SCN3A: variants seen among roughly 807,000 people sequenced by gnomAD.
SCN3A encodes the protein sodium voltage-gated channel alpha subunit 3, also known as sodium channel protein type 3 subunit alpha.
Under a neutral mutation model 187.6 loss-of-function variants are expected in SCN3A, and 60 were observed. The ratio of observed to expected loss-of-function variants is 0.32; its 90% CI spans 0.26 to 0.40. The LOEUF (loss-of-function observed/expected upper bound fraction) is 0.40, where lower values mean the gene tolerates loss of function less well. Ranked by LOEUF, SCN3A falls within the 10% of genes least tolerant of loss-of-function variation. SCN3A has a pLI of 1.00. For missense variants in SCN3A, 1,601 were observed against 2,428.2 expected, an observed-to-expected ratio of 0.66 and a Z score of 7.16; for synonymous variants, 788 against 829.2, an observed-to-expected ratio of 0.95 and a Z score of 0.85.
chr2:165,185,917 A>G (rs1309787224), intron 2 of SCN3A, among the ~76,000 whole-genome samples: 1 of 152,146 alleles, frequency 6.6e-6, no homozygotes, highest in Non-Finnish European at 1.5e-5. Context: ...TAAAGTAAAT[A>G]CAGTCCAGGG....
intron 3 of SCN3A, among the ~76,000 whole-genome samples, chr2:165,171,126 T>A (rs1690077568): frequency 1.3e-5 from 2 of 152,004 alleles, no homozygotes; most frequent in African/African-American, 4.8e-5. Flanking sequence ...TCAAAGGGCA[T>A]TCCACAATTA....
chr2:165,095,832 T>C (rs115838424), intron 24 of SCN3A, among the ~76,000 whole-genome samples, 184 bp from the exon 25 acceptor site: 8 of 152,280 alleles, frequency 5.3e-5, no homozygotes, highest in Non-Finnish European at 1.0e-4. Context: ...GCAAGTTTTA[T>C]GATTGTTCTT....
chr2:165,184,660 A>G (rs1024434074), intron 2 of SCN3A, among the ~76,000 whole-genome samples: 1 of 152,204 alleles, frequency 6.6e-6, no homozygotes, highest in African/African-American at 2.4e-5. Context: ...ATGTAGCAAT[A>G]TAGTCCTTAT....
intron 1 of SCN3A, among the ~76,000 whole-genome samples, chr2:165,201,014 A>G (rs1375268215): frequency 6.6e-6 from 1 of 152,102 alleles, no homozygotes; most frequent in Non-Finnish European, 1.5e-5. Context: ...TGGTCTTAGT[A>G]GAAATTACTT....
chr2:165,095,291 G>T (rs1685315355), intron 25 of SCN3A, among the ~76,000 whole-genome samples: 1 of 152,188 alleles, frequency 6.6e-6, no homozygotes, highest in Non-Finnish European at 1.5e-5. Context: ...GTCCGAAGGA[G>T]TGGACACATT....
chr2:165,116,943 A>ATTTTTTTTT (rs11395597), intron 18 of SCN3A, among the ~76,000 whole-genome samples: 1 of 118,186 alleles, frequency 8.5e-6, no homozygotes, highest in Non-Finnish European at 1.7e-5. Context: ...TGATAGCACA[A>ATTTTTTTTT]TTTTTTTTTT....
At chr2:165,138,369 A>G (rs1391838690) in intron 14 of SCN3A, among the ~76,000 whole-genome samples, 2 of 152,194 alleles carry the variant, frequency 1.3e-5, no homozygotes, top group African/African-American at 2.4e-5. Flanking sequence ...TGCTTTTAAA[A>G]TGACTAGGTT....
rs565738798 is a variant in SCN3A, at chr2:165,124,096, A to C, written c.3393+3535T>G. On this transcript the variant is annotated intron_variant, in intron 18 of 27. Coordinates refer to ENST00000283254, the MANE Select transcript of SCN3A (RefSeq NM_006922.4). The stretch of plus-strand genomic sequence containing the variant: ...TATATATTTTAAATAATTTCTTTAC[A>C]TTTTGTAATTGAAATCTATGTATTC... Among the ~76,000 whole-genome samples the C allele has an allele frequency of 7.9e-5, 12 of 152,128 alleles. No individual in the cohort carries two copies. In the South Asian group the frequency reaches 2.5e-3, roughly 32 times the overall value.
At chr2:165,095,907 CA>C (rs1168274876) in intron 24 of SCN3A, among the ~76,000 whole-genome samples, 2 of 151,958 alleles carry the variant, frequency 1.3e-5, no homozygotes, top group African/African-American at 4.8e-5. Flanking sequence ...GTGATATAAG[CA>C]GGGAAAACAT....
intron 11 of SCN3A, among the ~76,000 whole-genome samples, chr2:165,152,153 T>C (rs1688722532): frequency 6.6e-6 from 1 of 152,158 alleles, no homozygotes; most frequent in South Asian, 2.1e-4. Context: ...CAATTGAAGA[T>C]TGTCAGGAAC....
intron 24 of SCN3A, among the ~76,000 whole-genome samples, chr2:165,096,125 T>G (rs1285072496): frequency 1.3e-5 from 2 of 152,176 alleles, no homozygotes; most frequent in Non-Finnish European, 2.9e-5. Flanking sequence ...CATGATATTC[T>G]TGGAAGCTGC....
At position 165,154,503 on chromosome 2, in the gene SCN3A, G is replaced by C. The variant is rs200595385; in HGVS notation, c.1329C>G (p.Ala443=). 1 of 1,613,920 alleles carries C rather than the reference G, an allele frequency of 6.2e-7. No homozygotes were observed. Among genetic ancestry groups the C allele is most frequent in the East Asian group, 2.2e-5 (1 of 44,858 alleles). The change falls in exon 11 of 28, where the codon GCC becomes GCG. Residue 443 remains alanine (A), a synonymous_variant. Coordinates refer to ENST00000283254, the MANE Select transcript of SCN3A (RefSeq NM_006922.4). ...GCTGTTCGAGCATCTGCTGAAATTC[G>C]GCCTCTTTTTGTTCTGCTTCTTCCA... ...ATLEEAEQKE[A]EFQQMLEQLK... is the part of the protein sequence containing the mutation.
rs905237997 is a variant in SCN3A, at chr2:165,137,738, C to T, written c.2391+141G>A. 1.5e-5 allele frequency: 11 copies of T among 718,582 alleles called. No homozygotes were observed. In the Admixed American group the frequency reaches 2.1e-4, roughly 14 times the overall value. The allele number at this position is 718,582 out of a possible 1,614,324, so 44.5% of individuals were successfully genotyped here. On this transcript the variant is annotated intron_variant, in intron 15 of 27. Transcript: ENST00000283254. ...TTTTAGGCTGTATCTCTGAGATTCC[C>T]TGTAATATTCCTTAGATATTTCTTT...
intron 2 of SCN3A, among the ~76,000 whole-genome samples, chr2:165,179,237 T>A (rs1690673986): frequency 1.3e-5 from 2 of 152,220 alleles, no homozygotes; most frequent in South Asian, 4.1e-4. Flanking sequence ...GAGATCTGGG[T>A]TAGTATTGAG....
At chr2:165,133,019 A>G (rs1687441097) in intron 15 of SCN3A, among the ~76,000 whole-genome samples, 1 of 152,238 alleles carries the variant, frequency 6.6e-6, no homozygotes, top group Non-Finnish European at 1.5e-5. Flanking sequence ...CAGCCAAAAA[A>G]CACATGAAAA....
rs745974855 is a variant in SCN3A, at chr2:165,139,562, T to G, written c.2066A>C (p.Tyr689Ser). Residue 689 changes from tyrosine to serine, a missense_variant, in exon 14 of 28, where the codon TAC becomes TCC. Physicochemically the swap from Tyr to Ser is moderately radical, Grantham distance 144. Around this residue, in one of 11 missense-constraint regions of SCN3A, gnomAD observed 376 missense variants for 476.0 expected, o/e 0.79. Transcript: ENST00000283254. ...TEVRKRRLSS[Y>S]QISMEMLEDS... ...CTCCAGCATCTCCATTGAAATCTGG[T>G]AAGAGCTTAACCTTCTCTTTCTGAC... 1 of 1,613,942 alleles carries G rather than the reference T, an allele frequency of 6.2e-7. No homozygotes were observed. The highest frequency in any genetic ancestry group is 2.2e-5 in the East Asian group (1 of 44,856).
intron 18 of SCN3A, among the ~76,000 whole-genome samples, chr2:165,120,242 A>G (rs1444698056): frequency 6.6e-6 from 1 of 152,046 alleles, no homozygotes; most frequent in East Asian, 1.9e-4. Flanking sequence ...TGAAGTTTTC[A>G]AGAAGGTTAA....
chr2:165,162,546 T>C lies in SCN3A; in HGVS notation c.967+10A>G, dbSNP rs745367247. On this transcript the variant is annotated intron_variant, in intron 8 of 27. Transcript: ENST00000283254. The stretch of plus-strand genomic sequence containing the variant: ...CAACACTAAGGTTAACATAATGTAA[T>C]ACTTCTTACTGTCATCTCCAATGTA... 3.7e-6 allele frequency: 6 copies of C among 1,614,056 alleles called. No individual in the cohort carries two copies. The highest frequency in any genetic ancestry group is 2.2e-5 in the South Asian group (2 of 91,060).
chr2:165,115,466 C>T lies in SCN3A; in HGVS notation c.3503G>A (p.Cys1168Tyr). 6.2e-7 allele frequency: 1 copy of T among 1,613,680 alleles called. No homozygotes were observed. The highest frequency in any genetic ancestry group is 8.5e-7 in the Non-Finnish European group (1 of 1,179,872). Reference protein sequence around the residue: ...EPEEDLKPEACFTEGCIKKFP... With the variant: ...EPEEDLKPEAYFTEGCIKKFP... ...CAGAGCTTGTTTACCTTCAGTAAAA[C>T]AAGCTTCCGGTTTAAGGTCTTCTTC... Residue 1168 changes from cysteine to tyrosine, a missense_variant, in exon 19 of 28, where the codon TGT (cysteine) becomes TAT (tyrosine). By Grantham distance (194) the Cys-to-Tyr change is radical. Transcript: ENST00000283254.
Sources: allele counts gnomAD v4.1 joint callset (sites outside exome capture counted in the v4.1 genomes callset), GRCh38; gene constraint gnomAD v4.1.1; regional missense constraint gnomAD v4.1.1; transcripts MANE v1.5; gene names NCBI Gene and HGNC (gene_info 2026-07-23, HGNC 2026-07-21).